Variants in TRAT1 observed in about 807,000 individuals in gnomAD.
The protein encoded by TRAT1 is T cell receptor associated transmembrane adaptor 1.
Under a neutral mutation model 20.0 loss-of-function variants are expected in TRAT1, and 20 were observed. That is an observed-to-expected ratio of 1.00 (90% CI 0.70 to 1.45). The LOEUF (loss-of-function observed/expected upper bound fraction) is 1.45, where lower values mean the gene tolerates loss of function less well. Among genes scored for constraint, TRAT1 ranks in the 40% most tolerant of loss-of-function variants. TRAT1 has a pLI of 0.00. For synonymous variants in TRAT1, 77 were observed against 74.2 expected (o/e 1.04, Z -0.20); for missense variants, 237 against 224.1 (o/e 1.06, Z -0.37).
At chr3:108,838,122 T>G (rs1350313998) in intron 2 of TRAT1, among the ~76,000 whole-genome samples, 1 of 152,138 alleles carries the variant, frequency 6.6e-6, no homozygotes, top group Non-Finnish European at 1.5e-5. Flanking sequence ...AAAATAACTT[T>G]TCTTTTCTTA....
intron 3 of TRAT1, among the ~76,000 whole-genome samples, chr3:108,843,127 T>C (rs1945909842): frequency 6.6e-6 from 1 of 152,200 alleles, no homozygotes; most frequent in Non-Finnish European, 1.5e-5. Context: ...TCTGTCAACT[T>C]TTCCTTTGTG....
intron 3 of TRAT1, among the ~76,000 whole-genome samples, chr3:108,844,999 C>T (rs1309025235): frequency 6.6e-6 from 1 of 151,984 alleles, no homozygotes; most frequent in Non-Finnish European, 1.5e-5. Context: ...CAGGCATGTT[C>T]AGAACAATGG....
At chr3:108,823,843 T>C (rs571703540) in intron 1 of TRAT1, among the ~76,000 whole-genome samples, 1 of 152,248 alleles carries the variant, frequency 6.6e-6, no homozygotes, top group East Asian at 1.9e-4. Context: ...CATTTGTTTA[T>C]TGCTGAACAT....
intron 2 of TRAT1, among the ~76,000 whole-genome samples, chr3:108,834,659 T>C (rs979682024): frequency 6.6e-6 from 1 of 152,248 alleles, no homozygotes; most frequent in Non-Finnish European, 1.5e-5. Context: ...ACTTTTTATG[T>C]TTGCATCTTT....
At chr3:108,835,759 A>G (rs1434320097) in intron 2 of TRAT1, among the ~76,000 whole-genome samples, 1 of 151,886 alleles carries the variant, frequency 6.6e-6, no homozygotes, top group Non-Finnish European at 1.5e-5. Flanking sequence ...TCTAAACATC[A>G]CATTATTATA....
At position 108,853,753 on chromosome 3, in the gene TRAT1, G is replaced by C. The variant is rs754799452; in HGVS notation, c.437G>C (p.Ser146Thr). 3.1e-6 allele frequency: 5 copies of C among 1,614,192 alleles called. No individual in the cohort carries two copies. Among genetic ancestry groups the C allele is most frequent in the African/African-American group, 1.3e-5 (1 of 75,046 alleles). Residue 146 changes from serine (S) to threonine (T), a missense_variant, in exon 6 of 6, where the codon AGC (serine) becomes ACC (threonine). By Grantham distance (58) the Ser-to-Thr change is moderately conservative. Coordinates refer to ENST00000295756, the MANE Select transcript of TRAT1 (RefSeq NM_016388.4). ...GAGCAACTACATGCAATAGATGCCAGCGTTTCTAAGACCACCTTAGTAGAC... is the reference window on the plus strand; with the variant it reads ...GAGCAACTACATGCAATAGATGCCACCGTTTCTAAGACCACCTTAGTAGAC... ...GDEQLHAIDASVSKTTLVDSF... is the reference protein window; with the variant it reads ...GDEQLHAIDATVSKTTLVDSF...
At chr3:108,841,829 C>T (rs917713903) in intron 3 of TRAT1, among the ~76,000 whole-genome samples, 18 of 152,002 alleles carry the variant, frequency 1.2e-4, no homozygotes, top group Non-Finnish European at 2.5e-4. Context: ...ATAATTCTTG[C>T]CTTTTGGTTT....
At chr3:108,843,999 G>T (rs776330276) in intron 3 of TRAT1, among the ~76,000 whole-genome samples, 1 of 152,048 alleles carries the variant, frequency 6.6e-6, no homozygotes, top group Admixed American at 6.6e-5. Flanking sequence ...ACACACTTAC[G>T]GATCCCAAGC....
At chr3:108,840,289 G>A (rs1325659269) in intron 3 of TRAT1, among the ~76,000 whole-genome samples, 1 of 151,944 alleles carries the variant, frequency 6.6e-6, no homozygotes, top group Non-Finnish European at 1.5e-5. Flanking sequence ...TGCTCTTTTG[G>A]TTTCTTTTTA....
At chr3:108,832,691 T>G (rs1042782361) in intron 2 of TRAT1, among the ~76,000 whole-genome samples, 1 of 152,172 alleles carries the variant, frequency 6.6e-6, no homozygotes, top group Non-Finnish European at 1.5e-5. Flanking sequence ...TTTCATTGAT[T>G]CCACTGATAA....
chr3:108,844,858 A>AAAAG (rs1945927337), intron 3 of TRAT1, among the ~76,000 whole-genome samples: 2 of 150,118 alleles, frequency 1.3e-5, no homozygotes, highest in African/African-American at 4.9e-5. Flanking sequence ...AAAAAAAAAA[A>AAAAG]AAAAAAAAAA....
At chr3:108,839,040 G>A in intron 3 of TRAT1, 73 bp downstream of exon 3, 1 of 1,190,130 alleles carries the variant, frequency 8.4e-7, no homozygotes, top group Non-Finnish European at 1.2e-6. Context: ...ATTGTTTAAA[G>A]ATTTGGCTCA....
At chr3:108,823,116 T>C (rs1180688099) in intron 1 of TRAT1, among the ~76,000 whole-genome samples, 182 bp downstream of exon 1, 1 of 152,194 alleles carries the variant, frequency 6.6e-6, no homozygotes, top group Admixed American at 6.5e-5. Flanking sequence ...CATTTTTCTT[T>C]TGAAAGAAAA....
chr3:108,831,870 C>T (rs1354968588), intron 2 of TRAT1, among the ~76,000 whole-genome samples: 1 of 151,888 alleles, frequency 6.6e-6, no homozygotes, highest in Non-Finnish European at 1.5e-5. Flanking sequence ...CCAAGAAACC[C>T]TTAAGGGCAG....
chr3:108,850,397 C>T (rs535043967), intron 5 of TRAT1, among the ~76,000 whole-genome samples: 24 of 152,050 alleles, frequency 1.6e-4, no homozygotes, highest in South Asian at 4.2e-4. Flanking sequence ...CTCTGCCTCC[C>T]GGGTTCAAGC....
At chr3:108,838,344 G>C (rs1360725066) in intron 2 of TRAT1, among the ~76,000 whole-genome samples, 1 of 86,800 alleles carries the variant, frequency 1.2e-5, no homozygotes. Context: ...ATAGATGATA[G>C]ATATAGATAG....
chr3:108,846,778 T>C (rs1180510608), intron 3 of TRAT1, among the ~76,000 whole-genome samples: 1 of 152,206 alleles, frequency 6.6e-6, no homozygotes, highest in African/African-American at 2.4e-5. Context: ...ATAGGAAATA[T>C]ACTCGATGTA....
At chr3:108,832,435 T>C (rs2107508074) in intron 2 of TRAT1, among the ~76,000 whole-genome samples, 1 of 152,358 alleles carries the variant, frequency 6.6e-6, no homozygotes, top group East Asian at 1.9e-4. Context: ...ATAAGTCAGA[T>C]GTATAAATGA....
At chr3:108,844,418 C>T (rs756215255) in intron 3 of TRAT1, among the ~76,000 whole-genome samples, 42 of 144,428 alleles carry the variant, frequency 2.9e-4, no homozygotes, top group Non-Finnish European at 4.0e-4. Context: ...CCTGGGTTCA[C>T]GCCAGATTAT....
Sources: allele counts gnomAD v4.1 joint callset (sites outside exome capture counted in the v4.1 genomes callset), GRCh38; gene constraint gnomAD v4.1.1; transcripts MANE v1.5; gene names NCBI Gene and HGNC (gene_info 2026-07-23, HGNC 2026-07-21).